The following RBFOX2 variants were observed in gnomAD, a reference collection of about 807,000 sequenced individuals.
RBFOX2 encodes the protein RNA binding fox-1 homolog 2.
In RBFOX2, 10 loss-of-function variants were observed where a neutral mutation model predicts 49.1. That is an observed-to-expected ratio of 0.20 (90% confidence interval 0.13 to 0.35). RBFOX2 has a LOEUF of 0.35. Among genes scored for constraint, RBFOX2 ranks in the 10% least tolerant of loss-of-function variants. The pLI is 1.00. For synonymous variants in RBFOX2, 183 were observed against 187.4 expected (o/e 0.98, Z 0.19); for missense variants, 323 against 486.9 (o/e 0.66, Z 3.17).
At chr22:35,764,500 G>T (rs1940247745) in intron 6 of RBFOX2, among the ~76,000 whole-genome samples, 1 of 151,516 alleles carries the variant, frequency 6.6e-6, no homozygotes, top group Non-Finnish European at 1.5e-5. Context: ...CAGGAGAATG[G>T]CGTGAACCTG....
At chr22:35,919,068 A>T (rs1176528766) in intron 1 of RBFOX2, among the ~76,000 whole-genome samples, 1 of 152,262 alleles carries the variant, frequency 6.6e-6, no homozygotes, top group Non-Finnish European at 1.5e-5. Context: ...GTACTGCTAT[A>T]ACATGGATTG....
chr22:35,971,848 C>G (rs2056887857), intron 1 of RBFOX2, among the ~76,000 whole-genome samples: 1 of 146,244 alleles, frequency 6.8e-6, no homozygotes, highest in African/African-American at 2.5e-5. Context: ...TGTACTGTAG[C>G]AGGCCCATCT....
At chr22:35,760,075 G>A (rs753504723) in intron 8 of RBFOX2, 55 bp from the exon 10 acceptor site, 5 of 1,600,418 alleles carry the variant, frequency 3.1e-6, no homozygotes, top group South Asian at 2.2e-5. Flanking sequence ...AATAGAAGGT[G>A]CACAGTCACA....
At chr22:35,817,079 AGG>A (rs1399439092) in intron 1 of RBFOX2, among the ~76,000 whole-genome samples, 47 of 152,262 alleles carry the variant, frequency 3.1e-4, no homozygotes, top group Non-Finnish European at 4.9e-4. Context: ...ACTGACTTAG[AGG>A]CTTTGGCTGG....
intron 1 of RBFOX2, among the ~76,000 whole-genome samples, chr22:35,872,853 T>C (rs2044539287): frequency 6.6e-6 from 1 of 152,026 alleles, no homozygotes; most frequent in Admixed American, 6.6e-5. Context: ...TCTTGAAAAA[T>C]GCAACACTTG....
intron 1 of RBFOX2, among the ~76,000 whole-genome samples, chr22:36,024,128 C>T (rs937799376): frequency 2.0e-5 from 3 of 152,172 alleles, no homozygotes; most frequent in Non-Finnish European, 4.4e-5. Context: ...TGTGATGATA[C>T]CCTCACTCTG....
intron 1 of RBFOX2, among the ~76,000 whole-genome samples, chr22:35,826,390 G>A (rs1357826028): frequency 6.7e-6 from 1 of 149,528 alleles, no homozygotes; most frequent in Non-Finnish European, 1.5e-5. Flanking sequence ...CACTATTATT[G>A]TGAAAGAATA....
At position 36,028,215 on chromosome 22, in the gene RBFOX2, T is replaced by C. The variant is rs552366046; in HGVS notation, c.186+25A>G. The C allele has an allele frequency of 8.8e-6, 13 of 1,469,746 alleles. 1 individual carries two copies. In the East Asian group the frequency reaches 2.8e-4, roughly 32 times the overall value. 91.0% of individuals were successfully genotyped at this position (1,469,746 alleles called of 1,614,324 possible). On this transcript the variant is annotated intron_variant, in intron 1 of 13. Transcript: ENST00000438146. ...CCCTCACGCCCACCCCCGCAATAACTGGGCGCCCCGTCCCGCGCGGTCACC... is the reference window on the plus strand; with the variant it reads ...CCCTCACGCCCACCCCCGCAATAACCGGGCGCCCCGTCCCGCGCGGTCACC...
intron 1 of RBFOX2, among the ~76,000 whole-genome samples, chr22:35,932,743 T>TA (rs2149691896): frequency 6.6e-6 from 1 of 152,206 alleles, no homozygotes; most frequent in South Asian, 2.1e-4. Context: ...TAGCCAGGCT[T>TA]AGTGTCGCAT....
chr22:35,925,353 T>C (rs1024032644), intron 1 of RBFOX2, among the ~76,000 whole-genome samples: 2 of 152,078 alleles, frequency 1.3e-5, no homozygotes, highest in Admixed American at 6.6e-5. Flanking sequence ...ACGCTGTCTT[T>C]ACTAAAAATA....
intron 1 of RBFOX2, among the ~76,000 whole-genome samples, chr22:35,936,071 G>T (rs748492147): frequency 1.3e-5 from 2 of 151,884 alleles, no homozygotes; most frequent in African/African-American, 2.4e-5. Flanking sequence ...AACAGGCCGG[G>T]TGTGGTGGCA....
At chr22:35,841,656 G>A (rs1307213748), upstream of RBFOX2, among the ~76,000 whole-genome samples, 1 of 152,012 alleles carries the variant, frequency 6.6e-6, no homozygotes, top group African/African-American at 2.4e-5. Context: ...GTATTTTTAG[G>A]ATATACTTTC....
chr22:35,828,554 A>G (rs1016971850), intron 1 of RBFOX2, among the ~76,000 whole-genome samples: 49 of 152,310 alleles, frequency 3.2e-4, no homozygotes, highest in Non-Finnish European at 6.3e-4. Flanking sequence ...GAGGCTGGGG[A>G]AAGAACCACC....
chr22:35,888,625 C>T (rs2046885963), intron 1 of RBFOX2, among the ~76,000 whole-genome samples: 1 of 152,168 alleles, frequency 6.6e-6, no homozygotes, highest in Non-Finnish European at 1.5e-5. Context: ...CTTCCTTCCA[C>T]TCATGGCAGA....
chr22:35,832,872 T>C (rs1957046546), intron 1 of RBFOX2, among the ~76,000 whole-genome samples: 1 of 152,132 alleles, frequency 6.6e-6, no homozygotes, highest in South Asian at 2.1e-4. Context: ...GAAGTTCTAA[T>C]ATTCAACAGC....
At chr22:35,907,482 G>A (rs749191657) in intron 1 of RBFOX2, among the ~76,000 whole-genome samples, 1 of 152,118 alleles carries the variant, frequency 6.6e-6, no homozygotes, top group African/African-American at 2.4e-5. Context: ...ACCAGACAGC[G>A]CCATATTAGC....
intron 4 of RBFOX2, among the ~76,000 whole-genome samples, chr22:35,775,702 G>A (rs1193720440): frequency 6.6e-6 from 1 of 151,736 alleles, no homozygotes; most frequent in African/African-American, 2.4e-5. Flanking sequence ...TTAGCTAGGG[G>A]TGGTAGTGTG....
At chr22:35,994,279 C>T (rs1274841749) in intron 1 of RBFOX2, 1 of 151,708 alleles carries the variant, frequency 6.6e-6, no homozygotes, top group East Asian at 1.9e-4. Flanking sequence ...AAAACATACT[C>T]AATATTTTAA....
At chr22:35,850,193 TACACACAC>T (rs58692076) in intron 1 of RBFOX2, among the ~76,000 whole-genome samples, 95 of 132,600 alleles carry the variant, frequency 7.2e-4, no homozygotes, top group Middle Eastern at 3.7e-3. Flanking sequence ...CTCTCTCTCA[TACACACAC>T]ACACACACAC....
Sources: gnomAD v4.1 joint callset for allele counts (sites outside exome capture counted in the v4.1 genomes callset) on GRCh38, gnomAD v4.1.1 for gene constraint, MANE v1.5 for transcripts, NCBI Gene and HGNC (gene_info 2026-07-23, HGNC 2026-07-21) for gene names.